SLC5A2: variants seen among roughly 807,000 people sequenced by gnomAD.
The protein encoded by SLC5A2 is sodium/glucose cotransporter 2.
In SLC5A2, 67 loss-of-function variants were observed where a neutral mutation model predicts 69.0. The observed-to-expected ratio is 0.97, with a 90% CI of 0.80 to 1.19. The LOEUF is 1.19. Among genes scored for constraint, SLC5A2 ranks in the 50% most tolerant of loss-of-function variants. The probability of loss-of-function intolerance (pLI) is 0.00; values close to 1 mark genes in which losing one functional copy is unlikely to be tolerated. For synonymous variants in SLC5A2, 455 were observed against 395.8 expected (o/e 1.15, Z -1.78); for missense variants, 1,001 against 921.5 (o/e 1.09, Z -1.12).
intron 3 of SLC5A2, chr16:31,485,348 G>A (rs1253018176): frequency 1.1e-5 from 5 of 445,110 alleles, no homozygotes; most frequent in Non-Finnish European, 1.7e-5. Flanking sequence ...GGGAGATTGG[G>A]CTTTGAGCTC....
In SLC5A2 at chr16:31,488,004, C is replaced by T. The variant is rs904251417; in HGVS notation, c.886-34C>T. 8 of 1,608,252 alleles carry T rather than the reference C, an allele frequency of 5.0e-6. No homozygotes were observed. The African/African-American group carries it at 5.4e-5, about 11-fold the overall frequency. On this transcript the variant is annotated intron_variant, in intron 7 of 13. Transcript: ENST00000330498. The stretch of plus-strand genomic sequence containing the variant: ...GGCGCGGGGCGGGGCCGAGGGGAGG[C>T]CCGCAAGCGGGCAGCTGAACGCCCC...
chr16:31,489,046 C>A lies in SLC5A2; in HGVS notation c.1447C>A (p.Gln483Lys). Residue 483 changes from glutamine (Q) to lysine (K), a missense_variant and splice_region_variant, in exon 11 of 14, where the codon CAG (glutamine) becomes AAG (lysine). Coordinates refer to ENST00000330498, the MANE Select transcript of SLC5A2 (RefSeq NM_003041.4). ...GCTCTTCGTGCCGCGCGTTAATGAG[C>A]AGGTGAGCGGCACGCGCGTGGTGAC... ...LALFVPRVNE[Q>K]GAFWGLIGGL... is the part of the protein sequence containing the mutation. 6.2e-7 allele frequency: 1 copy of A among 1,601,306 alleles called. No homozygotes were observed. The highest frequency in any genetic ancestry group is 8.5e-7 in the Non-Finnish European group (1 of 1,179,870).
chr16:31,489,296 C>T lies in SLC5A2; in HGVS notation c.1623C>T (p.Thr541=), dbSNP rs780611656. 1.2e-6 allele frequency: 2 copies of T among 1,610,424 alleles called. No homozygotes were observed. Among genetic ancestry groups the T allele is most frequent in the African/African-American group, 2.7e-5 (2 of 74,928 alleles). The change falls in exon 12 of 14, where the codon ACC becomes ACT. Residue 541 remains threonine (T), a synonymous_variant. Coordinates refer to ENST00000330498, the MANE Select transcript of SLC5A2 (RefSeq NM_003041.4). ...TGTTCTTCTGCTCTGGCCTCCTCAC[C>T]CTCACGGTCTCCCTGTGCACCGCGC... The part of the protein sequence containing the change: ...IVLFFCSGLL[T]LTVSLCTAPI...
rs776789822 is a variant in SLC5A2, at chr16:31,490,296, C to T, written c.1793-13C>T. ...TTCCCGCAAACTAACTGCAGGGCCT[C>T]AATTTCCCTCAGAGCCCCAGGCCCC... On this transcript the variant is annotated splice_polypyrimidine_tract_variant and intron_variant, in intron 13 of 13. Transcript: ENST00000330498. The T allele has an allele frequency of 1.2e-6, 2 of 1,613,054 alleles. No individual in the cohort carries two copies. The highest frequency in any genetic ancestry group is 1.7e-6 in the Non-Finnish European group (2 of 1,179,648).
At chr16:31,487,989 G>A (rs1286838732) in intron 7 of SLC5A2, 49 bp from the exon 8 acceptor site, 2 of 1,604,644 alleles carry the variant, frequency 1.2e-6, no homozygotes, top group Non-Finnish European at 1.7e-6. Flanking sequence ...GGCGCGGGGC[G>A]GGGCCGAGGG....
chr16:31,489,238 G>T lies in SLC5A2; in HGVS notation c.1565G>T (p.Cys522Phe). The T allele has an allele frequency of 6.2e-7, 1 of 1,610,484 alleles. No individual in the cohort carries two copies. The change falls in exon 12 of 14, where the codon TGC (cysteine) becomes TTC (phenylalanine). Residue 522 changes from cysteine (C) to phenylalanine (F), a missense_variant. Physicochemically the swap from Cys to Phe is radical, Grantham distance 205. Transcript: ENST00000330498. ...CCCTCGGCGTGCCCAGCTTTCCTCT[G>T]CGGCGTGCACTACCTCTACTTCGCC... is the stretch of plus-strand genomic sequence containing the variant. ...VQPSACPAFL[C>F]GVHYLYFAIV...
chr16:31,490,487 C>G lies in SLC5A2; in HGVS notation c.1971C>G (p.Ala657=). 1 of 1,613,968 alleles carries G rather than the reference C, an allele frequency of 6.2e-7. No homozygotes were observed. The highest frequency in any genetic ancestry group is 8.5e-7 in the Non-Finnish European group (1 of 1,179,980). Residue 657 remains alanine, a synonymous_variant, in exon 14 of 14, where the codon GCC becomes GCG. Transcript: ENST00000330498. ...PSWARVVNLN[A]LLMMAVAVFL... is the part of the protein sequence containing the mutation. ...GGGCCCGTGTGGTCAACCTCAATGCCCTGCTCATGATGGCAGTGGCCGTGT... is the reference window on the plus strand; with the variant it reads ...GGGCCCGTGTGGTCAACCTCAATGCGCTGCTCATGATGGCAGTGGCCGTGT...
chr16:31,483,742 T>A (rs1424823665), intron 1 of SLC5A2, among the ~76,000 whole-genome samples: 2 of 151,840 alleles, frequency 1.3e-5, no homozygotes, highest in South Asian at 2.1e-4. Context: ...ATTTAAAAAA[T>A]TTATTTTAAA....
Position 31,489,111 on chromosome 16 carries a change from T to G in SLC5A2, c.1450-12T>G. On this transcript the variant is annotated splice_polypyrimidine_tract_variant and intron_variant, in intron 11 of 13. Transcript: ENST00000330498. ...TGCACATCCTCAGCAGGCTGACCTG[T>G]TTCCTTCGCAGGGCGCCTTCTGGGG... 1 of 1,606,436 alleles carries G rather than the reference T, an allele frequency of 6.2e-7. No individual in the cohort carries two copies. Among genetic ancestry groups the G allele is most frequent in the Non-Finnish European group, 8.5e-7 (1 of 1,179,940 alleles).
At chr16:31,486,005 A>G in intron 4 of SLC5A2, 112 bp downstream of exon 4, 2 of 1,316,002 alleles carry the variant, frequency 1.5e-6, no homozygotes, top group Non-Finnish European at 2.2e-6. Flanking sequence ...GAGGGTTATG[A>G]TGATGGAGGC....
chr16:31,484,570 C>T lies in SLC5A2; in HGVS notation c.127-103C>T, dbSNP rs181635435. ...TGCAAACGATCAGGGAAACTTGGCT[C>T]GTTAATCTTCAGCCAGAAACAAGGC... is the stretch of plus-strand genomic sequence containing the variant. On this transcript the variant is annotated intron_variant, in intron 1 of 13. Transcript: ENST00000330498. 5.6e-5 allele frequency: 73 copies of T among 1,305,200 alleles called. 1 individual carries two copies. The African/African-American group carries it at 6.9e-4, about 12-fold the overall frequency. 80.9% of individuals were successfully genotyped at this position (1,305,200 alleles called of 1,614,324 possible).
At chr16:31,489,412 G>T in intron 12 of SLC5A2, 74 bp downstream of exon 12, 2 of 1,361,806 alleles carry the variant, frequency 1.5e-6, no homozygotes, top group Admixed American at 1.9e-5. Context: ...GTGCCCAGCT[G>T]GGAGGACCTG....
At chr16:31,485,945 G>T in intron 4 of SLC5A2, 52 bp downstream of exon 4, 1 of 1,603,572 alleles carries the variant, frequency 6.2e-7, no homozygotes, top group South Asian at 1.1e-5. Context: ...GGGCTCAAGT[G>T]GGGTCTCTAG....
chr16:31,483,816 G>T (rs2082473819), intron 1 of SLC5A2, among the ~76,000 whole-genome samples: 2 of 151,954 alleles, frequency 1.3e-5, no homozygotes, highest in African/African-American at 4.8e-5. Flanking sequence ...TGAACTCTTA[G>T]GCTCAAGCAA....
Position 31,488,372 on chromosome 16 carries a change from C to G in SLC5A2, c.1022-11C>G, listed in dbSNP as rs1008788353. ...CCCCGTCCTAACGGCGCGGTGGCCT[C>G]TCTCTGGCAGACGAGGTGGCGTGCG... On this transcript the variant is annotated splice_polypyrimidine_tract_variant and intron_variant, in intron 8 of 13. Coordinates refer to ENST00000330498, the MANE Select transcript of SLC5A2 (RefSeq NM_003041.4). The G allele has an allele frequency of 6.2e-7, 1 of 1,610,832 alleles. No individual in the cohort carries two copies. Among genetic ancestry groups the G allele is most frequent in the Non-Finnish European group, 8.5e-7 (1 of 1,179,678 alleles).
At position 31,488,927 on chromosome 16, in the gene SLC5A2, T is replaced by C. The variant is rs1322329622; in HGVS notation, c.1328T>C (p.Val443Ala). 2 of 1,604,826 alleles carry C rather than the reference T, an allele frequency of 1.2e-6. No individual in the cohort carries two copies. The highest frequency in any genetic ancestry group is 1.7e-6 in the Non-Finnish European group (2 of 1,179,880). The change falls in exon 11 of 14, where the codon GTG (valine) becomes GCG (alanine). Residue 443 changes from valine to alanine, a missense_variant. Coordinates refer to ENST00000330498, the MANE Select transcript of SLC5A2 (RefSeq NM_003041.4). ...IVVVSVAWLP[V>A]VQAAQGGQLF... ...GTAGTGTCGGTGGCCTGGCTTCCCG[T>C]GGTGCAGGCGGCACAGGGCGGGCAG...
rs770108896 is a variant in SLC5A2 at position 31,485,714 on chromosome 16, T to C, written c.304-15T>C. ...AGGGCAAAGCCACCCTCAGCGGCAG[T>C]ACTGCCCCCCGTAGGCGCTCTTCGT... On this transcript the variant is annotated splice_polypyrimidine_tract_variant and intron_variant, in intron 3 of 13. Transcript: ENST00000330498. 1.4e-5 allele frequency: 22 copies of C among 1,611,964 alleles called. No individual in the cohort carries two copies. Among genetic ancestry groups the C allele is most frequent in the Non-Finnish European group, 1.9e-5 (22 of 1,180,024 alleles).
intron 3 of SLC5A2, 149 bp downstream of exon 3, chr16:31,485,072 C>T (rs1015248228): frequency 6.4e-6 from 5 of 782,704 alleles, no homozygotes; most frequent in African/African-American, 3.4e-5. Flanking sequence ...GGAGGTCATA[C>T]ATCTAGCCAG....
chr16:31,490,455 C>G lies in SLC5A2; in HGVS notation c.1939C>G (p.Pro647Ala), dbSNP rs763978448. 5 of 1,613,896 alleles carry G rather than the reference C, an allele frequency of 3.1e-6. No homozygotes were observed. Among genetic ancestry groups the G allele is most frequent in the Non-Finnish European group, 4.2e-6 (5 of 1,180,018 alleles). Residue 647 changes from proline to alanine, a missense_variant, in exon 14 of 14, where the codon CCG (proline) becomes GCG (alanine). Coordinates refer to ENST00000330498, the MANE Select transcript of SLC5A2 (RefSeq NM_003041.4). ...GCGGCTGGAGGACATCAGCGAGGAC[C>G]CGAGCTGGGCCCGTGTGGTCAACCT... ...ARRLEDISED[P>A]SWARVVNLNA... is the part of the protein sequence containing the mutation.
Sources: gnomAD v4.1 joint callset for allele counts (sites outside exome capture counted in the v4.1 genomes callset) on GRCh38, gnomAD v4.1.1 for gene constraint, MANE v1.5 for transcripts, NCBI Gene and HGNC (gene_info 2026-07-23, HGNC 2026-07-21) for gene names.